Variants in PCDHA8 observed in about 807,000 individuals in gnomAD.
The protein encoded by PCDHA8 is protocadherin alpha 8, also known as protocadherin alpha-8.
PCDHA8 carries 53 observed loss-of-function variants against 61.8 expected under a neutral mutation model. The observed-to-expected ratio is 0.86, with a 90% CI of 0.69 to 1.08. The LOEUF (loss-of-function observed/expected upper bound fraction) is 1.08. Among genes scored for constraint, PCDHA8 ranks in the 50% least tolerant of loss-of-function variants. The probability of loss-of-function intolerance (pLI) is 0.00; values close to 1 mark genes in which losing one functional copy is unlikely to be tolerated. For synonymous variants in PCDHA8, 618 were observed against 556.6 expected (o/e 1.11, Z -1.55); for missense variants, 1,293 against 1,245.0 (o/e 1.04, Z -0.58).
intron 1 of PCDHA8, chr5:140,852,865 C>G (rs2042498317): frequency 7.4e-6 from 7 of 950,286 alleles, no homozygotes; most frequent in Non-Finnish European, 7.6e-6. Flanking sequence ...TTTACTATGT[C>G]ATCAATAATC....
chr5:140,857,821 T>C, intron 1 of PCDHA8: 2 of 1,597,642 alleles, frequency 1.3e-6, no homozygotes, highest in South Asian at 2.2e-5. Flanking sequence ...ACGTGGTGGC[T>C]AAGGTGCGCG....
chr5:140,843,653 C>G lies in PCDHA8; in HGVS notation c.2332C>G (p.Pro778Ala). ...DLMAFSPCLP[P>A]DLGSVDVGEE... ...CATGGCCTTCAGCCCCTGCCTTCCTCCTGATCTGGGATCAGTTGATGTAGG... is the reference window on the plus strand; with the variant it reads ...CATGGCCTTCAGCCCCTGCCTTCCTGCTGATCTGGGATCAGTTGATGTAGG... The change falls in exon 1 of 4, where the codon CCT becomes GCT. Residue 778 changes from proline (P) to alanine (A), a missense_variant. Transcript: ENST00000531613. 6.3e-7 allele frequency: 1 copy of G among 1,595,020 alleles called. No homozygotes were observed. The highest frequency in any genetic ancestry group is 8.6e-7 in the Non-Finnish European group (1 of 1,164,614).
At chr5:140,851,288 A>C in intron 1 of PCDHA8, 1 of 1,036,248 alleles carries the variant, frequency 9.7e-7, no homozygotes, top group Non-Finnish European at 1.2e-6. Context: ...TAAGAAACCC[A>C]AGCAAAAATA....
At chr5:140,867,550 C>G (rs2153229616) in intron 1 of PCDHA8, 1 of 152,198 alleles carries the variant, frequency 6.6e-6, no homozygotes, top group South Asian at 2.1e-4. Flanking sequence ...TTAGCATACA[C>G]ATATGATAAC....
At chr5:140,869,313 A>G in intron 1 of PCDHA8, 1 of 1,613,732 alleles carries the variant, frequency 6.2e-7, no homozygotes, top group Non-Finnish European at 8.5e-7. Context: ...CGTCCAAAAC[A>G]CATGGGGACC....
chr5:140,852,586 T>A (rs2042389124), intron 1 of PCDHA8: 4 of 878,450 alleles, frequency 4.6e-6, no homozygotes, highest in East Asian at 1.2e-4. Context: ...TTTTTTATTT[T>A]TTTTTTTTGT....
At chr5:140,967,506 T>G in intron 1 of PCDHA8, 7 of 1,612,946 alleles carry the variant, frequency 4.3e-6, no homozygotes, top group Non-Finnish European at 5.9e-6. Context: ...TCTGTGCGTG[T>G]CCTGGACACT....
chr5:140,984,056 G>T (rs569184437), intron 3 of PCDHA8, among the ~76,000 whole-genome samples: 1 of 152,200 alleles, frequency 6.6e-6, no homozygotes, highest in Non-Finnish European at 1.5e-5. Context: ...TGACAAATCT[G>T]TACCCTCAGT....
chr5:140,985,902 T>G (rs1026675848), intron 3 of PCDHA8, among the ~76,000 whole-genome samples: 2 of 151,212 alleles, frequency 1.3e-5, no homozygotes, highest in Non-Finnish European at 2.9e-5. Flanking sequence ...ACCACTCCCG[T>G]CTAATTTTTT....
At chr5:140,884,293 G>A in intron 1 of PCDHA8, 2 of 1,613,666 alleles carry the variant, frequency 1.2e-6, no homozygotes, top group Non-Finnish European at 1.7e-6. Flanking sequence ...GCGGCCAAGC[G>A]CCACAGGCTT....
In PCDHA8 at chr5:140,856,671, AGTT is replaced by A. The variant is rs781932565; in HGVS notation, c.2394+12964_2394+12966del. 8 of 1,597,880 alleles carry A rather than the reference AGTT, an allele frequency of 5.0e-6. 1 individual carries two copies. The highest frequency in any genetic ancestry group is 4.5e-5 in the East Asian group (2 of 44,874). The stretch of plus-strand genomic sequence containing the variant: ...GATCGTGAAGAAAATCCTCAGCTAA[AGTT>A]GTTGTTGACAGCAACTGATGGAGGC... On this transcript the variant is annotated intron_variant, in intron 1 of 3. Transcript: ENST00000531613.
At chr5:140,879,878 T>C (rs1462304142) in intron 1 of PCDHA8, among the ~76,000 whole-genome samples, 1 of 152,198 alleles carries the variant, frequency 6.6e-6, no homozygotes, top group Non-Finnish European at 1.5e-5. Context: ...ATGGTCACAT[T>C]GCCTCCTCCT....
intron 1 of PCDHA8, chr5:140,883,058 C>T (rs782098362): frequency 6.2e-7 from 1 of 1,614,074 alleles, no homozygotes; most frequent in Admixed American, 1.7e-5. Flanking sequence ...AGTGATCAAG[C>T]TAAATGCCAC....
intron 1 of PCDHA8, chr5:140,928,441 C>A: frequency 4.3e-6 from 7 of 1,614,140 alleles, no homozygotes; most frequent in Non-Finnish European, 5.9e-6. Context: ...TGACTTTGAG[C>A]AGCTCAGGGG....
At chr5:140,869,037 C>G (rs547872988) in intron 1 of PCDHA8, 1 of 1,528,286 alleles carries the variant, frequency 6.5e-7, no homozygotes, top group African/African-American at 1.4e-5. Context: ...AGATTTTTAA[C>G]CTGAAACTGA....
chr5:140,966,318 C>A, intron 1 of PCDHA8: 1 of 389,680 alleles, frequency 2.6e-6, no homozygotes, highest in African/African-American at 2.1e-5. Context: ...TCCTGCGGTC[C>A]GCTGGGATCC....
At chr5:140,925,072 G>C (rs921580794) in intron 1 of PCDHA8, among the ~76,000 whole-genome samples, 1 of 149,184 alleles carries the variant, frequency 6.7e-6, no homozygotes, top group Non-Finnish European at 1.5e-5. Context: ...AAAGCAACAC[G>C]CTCATCTGGA....
intron 1 of PCDHA8, chr5:140,868,803 C>A: frequency 2.9e-6 from 1 of 350,392 alleles, no homozygotes; most frequent in South Asian, 7.0e-5. Context: ...CATAAATAAG[C>A]ACGTTGGAAA....
chr5:140,973,799 A>G (rs1470568019), intron 1 of PCDHA8, among the ~76,000 whole-genome samples: 1 of 152,254 alleles, frequency 6.6e-6, no homozygotes, highest in African/African-American at 2.4e-5. Flanking sequence ...CATGCTGTCT[A>G]CTTGACAGAA....
Sources: allele counts gnomAD v4.1 joint callset (sites outside exome capture counted in the v4.1 genomes callset), GRCh38; gene constraint gnomAD v4.1.1; transcripts MANE v1.5; gene names NCBI Gene and HGNC (gene_info 2026-07-23, HGNC 2026-07-21).